IQGAP1: variants seen among roughly 807,000 people sequenced by gnomAD.
The protein encoded by IQGAP1 is ras GTPase-activating-like protein IQGAP1.
IQGAP1 carries 66 observed loss-of-function variants against 215.6 expected under a neutral mutation model. The ratio of observed to expected loss-of-function variants is 0.31; its 90% CI spans 0.25 to 0.38. The LOEUF is 0.38. IQGAP1 is among the 10% of genes least tolerant of loss of function. IQGAP1 has a pLI of 1.00. For missense variants in IQGAP1, 1,712 were observed against 1,997.1 expected (o/e 0.86, Z 2.72); for synonymous variants, 772 against 728.7 (o/e 1.06, Z -0.96).
chr15:90,462,640 G>GT (rs1157933416), intron 15 of IQGAP1, among the ~76,000 whole-genome samples: 1 of 152,150 alleles, frequency 6.6e-6, no homozygotes, highest in African/African-American at 2.4e-5. Flanking sequence ...CTTTAGAGGG[G>GT]TGTGTGAGTG....
chr15:90,481,009 A>C (rs1476097050), intron 26 of IQGAP1, among the ~76,000 whole-genome samples: 2 of 152,076 alleles, frequency 1.3e-5, no homozygotes, highest in Admixed American at 1.3e-4. Flanking sequence ...AATCACCTCA[A>C]ATTGGGTGGC....
chr15:90,443,487 G>A lies in IQGAP1; in HGVS notation c.913+9G>A. On this transcript the variant is annotated intron_variant, in intron 9 of 37. Coordinates refer to ENST00000268182, the MANE Select transcript of IQGAP1 (RefSeq NM_003870.4). Reference sequence around the variant, plus strand: ...TATAAACAAAGTCAATAGTAAGTATGTTCCTGAATCAGGCACCTAAAGGGA... The same window carrying A: ...TATAAACAAAGTCAATAGTAAGTATATTCCTGAATCAGGCACCTAAAGGGA... 6.5e-7 allele frequency: 1 copy of A among 1,542,228 alleles called. No homozygotes were observed. The highest frequency in any genetic ancestry group is 9.0e-7 in the Non-Finnish European group (1 of 1,115,230).
At chr15:90,429,448 T>C (rs1965272028) in intron 3 of IQGAP1, 141 bp from the exon 4 acceptor site, 4 of 572,272 alleles carry the variant, frequency 7.0e-6, no homozygotes, top group Non-Finnish European at 5.9e-6. Flanking sequence ...TTTGGCTTTT[T>C]GGTATTGGAA....
chr15:90,418,465 G>A (rs1965084935), intron 2 of IQGAP1, among the ~76,000 whole-genome samples: 1 of 151,866 alleles, frequency 6.6e-6, no homozygotes, highest in South Asian at 2.1e-4. Flanking sequence ...GTACACACCT[G>A]TGGTCCCAGC....
At chr15:90,434,508 G>T (rs925281738) in intron 5 of IQGAP1, among the ~76,000 whole-genome samples, 1 of 151,894 alleles carries the variant, frequency 6.6e-6, no homozygotes, top group African/African-American at 2.4e-5. Flanking sequence ...AGTAAGAAAT[G>T]ATACAAAATA....
At chr15:90,450,817 T>TC (rs1306315816) in intron 11 of IQGAP1, among the ~76,000 whole-genome samples, 1 of 145,102 alleles carries the variant, frequency 6.9e-6, no homozygotes, top group African/African-American at 2.7e-5. Flanking sequence ...TTTTTTTTGT[T>TC]TTTTTTTTTT....
intron 26 of IQGAP1, among the ~76,000 whole-genome samples, chr15:90,480,579 T>C (rs1277156929): frequency 6.6e-6 from 1 of 152,232 alleles, no homozygotes; most frequent in Non-Finnish European, 1.5e-5. Context: ...CTGTTGATTT[T>C]TGCAGAATTT....
At chr15:90,470,727 C>G (rs1965893606) in intron 18 of IQGAP1, among the ~76,000 whole-genome samples, 1 of 152,092 alleles carries the variant, frequency 6.6e-6, no homozygotes, top group Non-Finnish European at 1.5e-5. Context: ...CCAGCTTTTA[C>G]TTAGTAAAAC....
intron 15 of IQGAP1, among the ~76,000 whole-genome samples, chr15:90,457,273 G>C (rs1046932392): frequency 1.3e-5 from 2 of 151,958 alleles, no homozygotes; most frequent in African/African-American, 4.8e-5. Context: ...GGCTTCTGTT[G>C]CCCTAAATAA....
chr15:90,394,295 GCAATCA>G (rs1041977236), intron 2 of IQGAP1, among the ~76,000 whole-genome samples: 6 of 151,818 alleles, frequency 4.0e-5, no homozygotes, highest in Admixed American at 1.3e-4. Flanking sequence ...TTTTATGGAG[GCAATCA>G]TAAAACTGGG....
rs777869204 is a variant in IQGAP1 at position 90,474,697 on chromosome 15, T to C, written c.2784+4T>C. The C allele has an allele frequency of 6.2e-7, 1 of 1,606,116 alleles. No homozygotes were observed. Among genetic ancestry groups the C allele is most frequent in the Non-Finnish European group, 8.5e-7 (1 of 1,172,854 alleles). ...GAAAAATAAGATTACGTTGCAGGTA[T>C]GGCCCAGTGCCAGCGGGGGCCTTGG... On this transcript the variant is annotated splice_donor_region_variant and intron_variant, in intron 23 of 37. Coordinates refer to ENST00000268182, the MANE Select transcript of IQGAP1 (RefSeq NM_003870.4).
intron 2 of IQGAP1, among the ~76,000 whole-genome samples, chr15:90,420,981 C>T (rs1021072495): frequency 7.9e-5 from 12 of 151,826 alleles, no homozygotes; most frequent in Admixed American, 2.6e-4. Context: ...GGCGAAACCC[C>T]GTCTCTACTA....
intron 3 of IQGAP1, 114 bp downstream of exon 3, chr15:90,426,380 A>G (rs1204783599): frequency 6.1e-6 from 7 of 1,150,110 alleles, no homozygotes; most frequent in Non-Finnish European, 8.5e-6. Flanking sequence ...GTTGCAACAA[A>G]TTATAGCCTT....
At chr15:90,401,145 C>A (rs559429683) in intron 2 of IQGAP1, among the ~76,000 whole-genome samples, 5 of 151,962 alleles carry the variant, frequency 3.3e-5, no homozygotes, top group Admixed American at 6.6e-5. Context: ...TGTGGCCTAC[C>A]GGATCAAATC....
chr15:90,442,957 G>A (rs1460970733), intron 8 of IQGAP1, among the ~76,000 whole-genome samples: 2 of 151,900 alleles, frequency 1.3e-5, no homozygotes, highest in Admixed American at 6.5e-5. Flanking sequence ...GGGTGACAGA[G>A]TGAGACTCTG....
intron 9 of IQGAP1, among the ~76,000 whole-genome samples, chr15:90,447,242 G>A (rs1350407404): frequency 6.6e-6 from 1 of 152,212 alleles, no homozygotes; most frequent in Non-Finnish European, 1.5e-5. Flanking sequence ...GTGCTCAGTT[G>A]AATGGCAGGT....
intron 15 of IQGAP1, among the ~76,000 whole-genome samples, chr15:90,463,001 G>T (rs1055537433): frequency 1.3e-5 from 2 of 152,102 alleles, no homozygotes; most frequent in Admixed American, 1.3e-4. Context: ...TTTGGGTTTT[G>T]TCATTTTATT....
In IQGAP1 at chr15:90,491,368, T is replaced by C; in HGVS notation, c.4284T>C (p.Ala1428=). The C allele has an allele frequency of 6.2e-7, 1 of 1,614,166 alleles. No individual in the cohort carries two copies. The highest frequency in any genetic ancestry group is 8.5e-7 in the Non-Finnish European group (1 of 1,180,034). The change falls in exon 34 of 38, where the codon GCT becomes GCC. Residue 1428 remains alanine, a synonymous_variant. Coordinates refer to ENST00000268182, the MANE Select transcript of IQGAP1 (RefSeq NM_003870.4). ...ATCAGAGAGCCATGCAGAGACGTGC[T>C]ATCCGTGATGCCAAAACACCTGACA... ...AEHQRAMQRR[A]IRDAKTPDKM... is the part of the protein sequence containing the mutation.
chr15:90,482,365 C>T, intron 28 of IQGAP1, 84 bp downstream of exon 28: 1 of 1,307,060 alleles, frequency 7.7e-7, no homozygotes, highest in Non-Finnish European at 1.1e-6. Context: ...TTACTAACTG[C>T]CTAAGTGTAG....
Sources: gnomAD v4.1 joint callset for allele counts (sites outside exome capture counted in the v4.1 genomes callset) on GRCh38, gnomAD v4.1.1 for gene constraint, MANE v1.5 for transcripts, NCBI Gene and HGNC (gene_info 2026-07-23, HGNC 2026-07-21) for gene names.